ACSM1: variants seen among roughly 807,000 people sequenced by gnomAD.
ACSM1 encodes the protein acyl-CoA synthetase medium chain family member 1.
In ACSM1, 79 loss-of-function variants were observed where a neutral mutation model predicts 75.8. The ratio of observed to expected loss-of-function variants is 1.04; its 90% CI spans 0.87 to 1.26. ACSM1 has a LOEUF of 1.26. Among genes scored for constraint, ACSM1 ranks in the 50% most tolerant of loss-of-function variants. ACSM1 has a pLI of 0.00. For synonymous variants in ACSM1, 279 were observed against 265.8 expected, an observed-to-expected ratio of 1.05 and a Z score of -0.48; for missense variants, 676 against 720.1, an observed-to-expected ratio of 0.94 and a Z score of 0.70.
intron 6 of ACSM1, among the ~76,000 whole-genome samples, chr16:20,667,799 A>G (rs1281118012): frequency 6.6e-6 from 1 of 152,224 alleles, no homozygotes. Context: ...CTACATATAC[A>G]CCATGCAATA....
chr16:20,680,948 G>A (rs971095970), intron 4 of ACSM1: 1 of 152,156 alleles, frequency 6.6e-6, no homozygotes, highest in Non-Finnish European at 1.5e-5. Context: ...AACTCTTATG[G>A]TATCCAGTTG....
At chr16:20,627,864 GTATACATATATATATA>G (rs1567242128) in intron 10 of ACSM1, among the ~76,000 whole-genome samples, 5 of 46,378 alleles carry the variant, frequency 1.1e-4, no homozygotes, top group Non-Finnish European at 1.9e-4. Context: ...CTCTCTGTAT[GTATACATATATATATA>G]TATATATATA....
intron 7 of ACSM1, among the ~76,000 whole-genome samples, chr16:20,661,456 TTA>T (rs2019294610): frequency 6.6e-6 from 1 of 152,164 alleles, no homozygotes; most frequent in Non-Finnish European, 1.5e-5. Context: ...ACTGGCAATG[TTA>T]TGTTTTTTTG....
intron 6 of ACSM1, among the ~76,000 whole-genome samples, chr16:20,663,522 G>A (rs1235544400): frequency 1.1e-4 from 17 of 152,016 alleles, no homozygotes; most frequent in Non-Finnish European, 1.5e-5. Context: ...GCCTTGTGTT[G>A]GGTCTGATCA....
At chr16:20,658,098 T>C (rs1470829031) in intron 7 of ACSM1, among the ~76,000 whole-genome samples, 1 of 152,198 alleles carries the variant, frequency 6.6e-6, no homozygotes, top group Non-Finnish European at 1.5e-5. Flanking sequence ...AGCAGCATGA[T>C]TTACAATCCT....
At chr16:20,638,516 A>T (rs1162884801) in intron 8 of ACSM1, among the ~76,000 whole-genome samples, 1 of 152,238 alleles carries the variant, frequency 6.6e-6, no homozygotes, top group East Asian at 1.9e-4. Context: ...TAGCCACCAA[A>T]AATAGCAAGG....
At chr16:20,664,568 A>G (rs1397103961) in intron 6 of ACSM1, among the ~76,000 whole-genome samples, 3 of 152,198 alleles carry the variant, frequency 2.0e-5, no homozygotes, top group African/African-American at 7.2e-5. Flanking sequence ...GACTTCAACA[A>G]CACACTGAAA....
chr16:20,669,617 C>T (rs569537777), intron 6 of ACSM1, among the ~76,000 whole-genome samples: 1 of 152,158 alleles, frequency 6.6e-6, no homozygotes, highest in South Asian at 2.1e-4. Flanking sequence ...GAAGGATCGC[C>T]CAGTAATACA....
chr16:20,695,315 G>A (rs1237725909), intron 1 of ACSM1, among the ~76,000 whole-genome samples: 2 of 152,174 alleles, frequency 1.3e-5, no homozygotes, highest in Non-Finnish European at 1.5e-5. Flanking sequence ...ATTGCCTGAA[G>A]CCATGGTGAT....
At position 20,685,335 on chromosome 16, in the gene ACSM1, G is replaced by C; in HGVS notation, c.261C>G (p.Ser87Arg). ...VNGQGDEVKW[S>R]FREMGDLTRR... ...GGGTTAGGTCTCCCATCTCTCTGAAGCTCCACTTTACTTCATCCCCTTGGC... is the reference window on the plus strand; with the variant it reads ...GGGTTAGGTCTCCCATCTCTCTGAACCTCCACTTTACTTCATCCCCTTGGC... Residue 87 changes from serine to arginine, a missense_variant, in exon 3 of 14, where the codon AGC (serine) becomes AGG (arginine). Transcript: ENST00000520010. 1 of 1,614,184 alleles carries C rather than the reference G, an allele frequency of 6.2e-7. No homozygotes were observed.
intron 7 of ACSM1, among the ~76,000 whole-genome samples, chr16:20,656,256 A>G (rs913151025): frequency 1.3e-5 from 2 of 152,194 alleles, no homozygotes; most frequent in African/African-American, 4.8e-5. Flanking sequence ...TCCAAACTAC[A>G]TGAAAGAGTT....
chr16:20,649,470 C>A (rs2018532699), intron 7 of ACSM1, among the ~76,000 whole-genome samples: 1 of 152,128 alleles, frequency 6.6e-6, no homozygotes, highest in African/African-American at 2.4e-5. Flanking sequence ...TCCTTCTTTC[C>A]TTTCCAGATC....
intron 7 of ACSM1, among the ~76,000 whole-genome samples, chr16:20,658,597 A>G (rs1029215060): frequency 2.6e-5 from 4 of 152,222 alleles, no homozygotes; most frequent in South Asian, 2.1e-4. Context: ...TGCCAAGGAA[A>G]AAATGACGGT....
intron 7 of ACSM1, among the ~76,000 whole-genome samples, chr16:20,643,609 T>C (rs1021221767): frequency 1.3e-5 from 2 of 152,214 alleles, no homozygotes; most frequent in African/African-American, 2.4e-5. Flanking sequence ...GTAAGATTTA[T>C]TGTGAAGAGT....
At chr16:20,670,499 T>C (rs1475280228) in intron 5 of ACSM1, among the ~76,000 whole-genome samples, 2 of 152,374 alleles carry the variant, frequency 1.3e-5, no homozygotes, top group East Asian at 1.9e-4. Context: ...GCAGCCATGA[T>C]GATCTTATCA....
At chr16:20,686,269 A>T (rs1049500582) in intron 2 of ACSM1, among the ~76,000 whole-genome samples, 1 of 152,142 alleles carries the variant, frequency 6.6e-6, no homozygotes, top group African/African-American at 2.4e-5. Flanking sequence ...CAGACTAGGA[A>T]GCTCCAGGCC....
intron 3 of ACSM1, among the ~76,000 whole-genome samples, chr16:20,684,425 T>G (rs1362731189): frequency 2.6e-5 from 4 of 152,218 alleles, no homozygotes; most frequent in Non-Finnish European, 4.4e-5. Flanking sequence ...TAAAACAGTA[T>G]AACTGAAGAG....
chr16:20,643,215 C>T (rs577245691), intron 7 of ACSM1, among the ~76,000 whole-genome samples: 2 of 152,344 alleles, frequency 1.3e-5, no homozygotes, highest in Non-Finnish European at 2.9e-5. Context: ...ACACCCATGT[C>T]TTTAGTCTGG....
rs181807961 is a variant in ACSM1, at chr16:20,679,914, C to T, written c.611+2342G>A. On this transcript the variant is annotated intron_variant, in intron 4 of 13. Coordinates refer to ENST00000520010, the MANE Select transcript of ACSM1 (RefSeq NM_001318890.3). Reference sequence around the variant, plus strand: ...AGAAGCCCCTCCCTCCTGTAAAGGGCCTATTTCCTTGTACTTTGATGCCTG... The same window carrying T: ...AGAAGCCCCTCCCTCCTGTAAAGGGTCTATTTCCTTGTACTTTGATGCCTG... The T allele has an allele frequency of 1.6e-4, 25 of 152,260 alleles. No individual in the cohort carries two copies. The East Asian group carries it at 4.4e-3, about 27-fold the overall frequency. 9.4% of individuals were successfully genotyped at this position (152,260 alleles called of 1,614,324 possible).
Sources: allele counts gnomAD v4.1 joint callset (sites outside exome capture counted in the v4.1 genomes callset), GRCh38; gene constraint gnomAD v4.1.1; transcripts MANE v1.5; gene names NCBI Gene and HGNC (gene_info 2026-07-23, HGNC 2026-07-21).